Variants in CDH12 observed in about 807,000 individuals in gnomAD.
CDH12 encodes cadherin 12.
Under a neutral mutation model 74.1 loss-of-function variants are expected in CDH12, and 41 were observed. The ratio of observed to expected loss-of-function variants is 0.55; its 90% CI spans 0.43 to 0.72. The LOEUF (loss-of-function observed/expected upper bound fraction) is 0.72, where lower values mean the gene tolerates loss of function less well. Among genes scored for constraint, CDH12 ranks in the 30% least tolerant of loss-of-function variants. The pLI is 0.00. For synonymous variants in CDH12, 399 were observed against 355.0 expected (o/e 1.12, Z -1.39); for missense variants, 945 against 977.2 (o/e 0.97, Z 0.44).
chr5:22,095,453 C>A (rs1743697254), intron 4 of CDH12, among the ~76,000 whole-genome samples: 1 of 152,018 alleles, frequency 6.6e-6, no homozygotes, highest in South Asian at 2.1e-4. Flanking sequence ...GATTATTCAC[C>A]CATGTTTCAG....
chr5:22,360,152 T>G (rs1270570932), intron 3 of CDH12, among the ~76,000 whole-genome samples: 1 of 152,224 alleles, frequency 6.6e-6, no homozygotes, highest in East Asian at 1.9e-4. Flanking sequence ...GCTGGTTTTT[T>G]GAAAGGATCA....
chr5:22,699,570 A>G (rs1185164936), intron 1 of CDH12, among the ~76,000 whole-genome samples: 3 of 152,208 alleles, frequency 2.0e-5, no homozygotes, highest in Non-Finnish European at 2.9e-5. Context: ...TGGATGGCTC[A>G]GTACCTTTCT....
chr5:21,880,616 C>CTTCCTTCTTTCTCTCTTTCTTTCTTTCT (rs758455941), intron 6 of CDH12, among the ~76,000 whole-genome samples: 1 of 50,810 alleles, frequency 2.0e-5, no homozygotes, highest in Admixed American at 2.4e-4. Context: ...TCCTTCCTTC[C>CTTCCTTCTTTCTCTCTTTCTTTCTTTCT]TTCTTTCTTT....
At chr5:21,766,640 A>C (rs988445769) in intron 11 of CDH12, among the ~76,000 whole-genome samples, 9 of 151,938 alleles carry the variant, frequency 5.9e-5, no homozygotes, top group African/African-American at 1.9e-4. Context: ...GAGGTGATCA[A>C]GATCTGTTTC....
At chr5:22,169,389 A>C (rs538977878) in intron 4 of CDH12, among the ~76,000 whole-genome samples, 20 of 152,030 alleles carry the variant, frequency 1.3e-4, no homozygotes, top group Non-Finnish European at 2.8e-4. Context: ...TCTAAAAATG[A>C]ACAGTCGTAT....
At chr5:22,760,089 T>C (rs1267617391) in intron 1 of CDH12, among the ~76,000 whole-genome samples, 1 of 152,228 alleles carries the variant, frequency 6.6e-6, no homozygotes, top group Non-Finnish European at 1.5e-5. Flanking sequence ...GGATGTGGTC[T>C]AGCCAAACTG....
intron 2 of CDH12, among the ~76,000 whole-genome samples, chr5:22,414,213 T>A (rs1354844647): frequency 1.3e-5 from 2 of 151,952 alleles, no homozygotes; most frequent in Admixed American, 1.3e-4. Context: ...GAAATATTTT[T>A]AAAAAATGAA....
At chr5:22,132,628 G>A (rs957508814) in intron 4 of CDH12, among the ~76,000 whole-genome samples, 7 of 152,038 alleles carry the variant, frequency 4.6e-5, no homozygotes, top group Non-Finnish European at 1.0e-4. Flanking sequence ...TCCAGGCCTT[G>A]CCAGGTCAGG....
At chr5:21,887,827 T>C (rs1752707152) in intron 6 of CDH12, among the ~76,000 whole-genome samples, 1 of 152,082 alleles carries the variant, frequency 6.6e-6, no homozygotes, top group Admixed American at 6.5e-5. Context: ...AATTCACTGT[T>C]ATGAGGGCAC....
In CDH12 at chr5:22,562,122, C is replaced by A. The variant is rs548413982; in HGVS notation, c.-522-56758G>T. Among the ~76,000 whole-genome samples, 555 of 152,182 alleles carry A rather than the reference C, an allele frequency of 3.6e-3. 2 individuals carry two copies. The highest frequency in any genetic ancestry group is 5.2e-3 in the Admixed American group (79 of 15,292). On this transcript the variant is annotated intron_variant, in intron 1 of 14. Transcript: ENST00000382254. The stretch of plus-strand genomic sequence containing the variant: ...CATGAGGTCAGGAGATCGAGACCAT[C>A]CCAGCTAAAACGGTGAAACCCCGTC...
intron 6 of CDH12, among the ~76,000 whole-genome samples, chr5:21,913,130 A>C (rs10941931): frequency 0.74 from 112,683 of 152,086 alleles, 44,315 homozygotes; most frequent in East Asian, 0.93. Flanking sequence ...GACATGAGCC[A>C]CCAAGCCTGG....
At chr5:22,442,148 G>A (rs551238575) in intron 2 of CDH12, among the ~76,000 whole-genome samples, 31 of 152,158 alleles carry the variant, frequency 2.0e-4, no homozygotes, top group East Asian at 3.9e-4. Flanking sequence ...TTCAGTCTGC[G>A]TATAGCTTTG....
At chr5:22,453,780 T>C (rs756075380) in intron 2 of CDH12, among the ~76,000 whole-genome samples, 2 of 152,178 alleles carry the variant, frequency 1.3e-5, no homozygotes, top group South Asian at 4.1e-4. Flanking sequence ...GTGATAGATA[T>C]GCTAATTATT....
At chr5:21,778,491 A>AAAAAAAAAAATTC in intron 11 of CDH12, among the ~76,000 whole-genome samples, 1 of 128,510 alleles carries the variant, frequency 7.8e-6, no homozygotes, top group Non-Finnish European at 1.7e-5. Flanking sequence ...AAAAAAAAAA[A>AAAAAAAAAAATTC]CTTCAGACGA....
chr5:22,297,511 C>A (rs1737683890), intron 3 of CDH12, among the ~76,000 whole-genome samples: 1 of 152,108 alleles, frequency 6.6e-6, no homozygotes, highest in Non-Finnish European at 1.5e-5. Context: ...ACTTTACATG[C>A]ATTTATTTCA....
chr5:21,919,219 A>G (rs1407927123), intron 6 of CDH12, among the ~76,000 whole-genome samples: 2 of 152,184 alleles, frequency 1.3e-5, no homozygotes, highest in Non-Finnish European at 2.9e-5. Flanking sequence ...GCTTTCATTT[A>G]CAAAATAACA....
chr5:22,184,042 T>C (rs1444015606), intron 4 of CDH12, among the ~76,000 whole-genome samples: 1 of 151,718 alleles, frequency 6.6e-6, no homozygotes, highest in Non-Finnish European at 1.5e-5. Context: ...AATTACAAAG[T>C]ATGGAATTAG....
At chr5:22,123,612 G>T (rs1475155119) in intron 4 of CDH12, among the ~76,000 whole-genome samples, 2 of 152,092 alleles carry the variant, frequency 1.3e-5, no homozygotes, top group Admixed American at 1.3e-4. Flanking sequence ...TGGTTATAAG[G>T]CATACAGATG....
At chr5:22,127,400 C>T (rs6423250) in intron 4 of CDH12, among the ~76,000 whole-genome samples, 85,557 of 150,534 alleles carry the variant, frequency 0.57, 24,633 homozygotes, top group Middle Eastern at 0.65. Flanking sequence ...TCCCTTGAAC[C>T]TGGGAGGCGG....
Sources: allele counts gnomAD v4.1 joint callset (sites outside exome capture counted in the v4.1 genomes callset), GRCh38; gene constraint gnomAD v4.1.1; transcripts MANE v1.5; gene names NCBI Gene and HGNC (gene_info 2026-07-23, HGNC 2026-07-21).